Variants in MAPK10 observed in about 807,000 individuals in gnomAD.
The protein encoded by MAPK10 is mitogen-activated protein kinase 10.
Under a neutral mutation model 59.3 loss-of-function variants are expected in MAPK10, and 25 were observed. The observed-to-expected ratio is 0.42, with a 90% CI of 0.31 to 0.59. MAPK10 has a LOEUF of 0.59. Ranked by LOEUF, MAPK10 falls within the 20% of genes least tolerant of loss-of-function variation. The probability of loss-of-function intolerance (pLI) is 0.15; values close to 1 mark genes in which losing one functional copy is unlikely to be tolerated. For synonymous variants in MAPK10, 190 were observed against 200.5 expected, an observed-to-expected ratio of 0.95 and a Z score of 0.44; for missense variants, 351 against 568.9, an observed-to-expected ratio of 0.62 and a Z score of 3.90.
At chr4:86,448,934 C>T (rs140667170) in intron 1 of MAPK10, among the ~76,000 whole-genome samples, 37 of 152,258 alleles carry the variant, frequency 2.4e-4, no homozygotes, top group Admixed American at 7.2e-4. Context: ...TTATAGGTAG[C>T]GTGCAACCAA....
chr4:86,190,860 T>C (rs1262256748), intron 3 of MAPK10, among the ~76,000 whole-genome samples: 1 of 152,064 alleles, frequency 6.6e-6, no homozygotes, highest in East Asian at 1.9e-4. Flanking sequence ...TAGATCTTTT[T>C]CACTTTCTCC....
intron 1 of MAPK10, among the ~76,000 whole-genome samples, chr4:86,386,624 G>A (rs914109713): frequency 6.6e-6 from 1 of 152,026 alleles, no homozygotes; most frequent in Non-Finnish European, 1.5e-5. Flanking sequence ...GCACAGCAGG[G>A]GGAAAGGTCC....
intron 2 of MAPK10, among the ~76,000 whole-genome samples, chr4:86,232,671 C>A (rs1384934145): frequency 6.6e-6 from 1 of 152,130 alleles, no homozygotes; most frequent in African/African-American, 2.4e-5. Flanking sequence ...CCACGCCCGG[C>A]CTAGAGTCAA....
intron 4 of MAPK10, among the ~76,000 whole-genome samples, chr4:86,157,030 T>C (rs747824528): frequency 9.2e-5 from 14 of 152,060 alleles, no homozygotes; most frequent in Non-Finnish European, 2.1e-4. Context: ...TTTTGTTTAA[T>C]CATGCTCAAC....
chr4:86,117,886 G>T (rs888474922), intron 4 of MAPK10: 1 of 152,164 alleles, frequency 6.6e-6, no homozygotes, highest in African/African-American at 2.4e-5. Context: ...TAAGTGCATA[G>T]TTCCAGCTCT....
intron 1 of MAPK10, among the ~76,000 whole-genome samples, chr4:86,492,519 C>A (rs945105916): frequency 2.0e-5 from 3 of 152,228 alleles, no homozygotes; most frequent in Non-Finnish European, 4.4e-5. Flanking sequence ...CTTGCACCAT[C>A]ATACATGTGA....
intron 4 of MAPK10, among the ~76,000 whole-genome samples, chr4:86,157,303 A>C (rs1360162661): frequency 6.6e-6 from 1 of 152,010 alleles, no homozygotes; most frequent in African/African-American, 2.4e-5. Context: ...TATGCTTGAA[A>C]AGCAGAATTT....
intron 1 of MAPK10, among the ~76,000 whole-genome samples, chr4:86,512,803 T>C (rs1206283531): frequency 1.3e-5 from 2 of 152,182 alleles, no homozygotes; most frequent in Admixed American, 6.5e-5. Flanking sequence ...GACTGATGGA[T>C]GTGTCACACA....
chr4:86,390,474 T>C, intron 1 of MAPK10, among the ~76,000 whole-genome samples: 1 of 152,198 alleles, frequency 6.6e-6, no homozygotes, highest in East Asian at 1.9e-4. Flanking sequence ...GGCAGGATGC[T>C]ACCTCTACTT....
chr4:86,010,843 A>T lies in MAPK10; in HGVS notation c.*6385T>A, dbSNP rs1741376957. 6.6e-6 allele frequency: 1 copy of T among 152,210 alleles called. No individual in the cohort carries two copies. The highest frequency in any genetic ancestry group is 2.4e-5 in the African/African-American group (1 of 41,460). 9.4% of individuals were successfully genotyped at this position (152,210 alleles called of 1,614,324 possible). On this transcript the variant is annotated 3_prime_UTR_variant, in exon 14 of 14. Transcript: ENST00000641462. ...TATGTGAGGGGTTTTTAAGATGGAT[A>T]ACATTTTGTACCTGCTTTTGAGTTG...
intron 3 of MAPK10, among the ~76,000 whole-genome samples, chr4:86,162,812 C>T (rs1254569559): frequency 6.6e-6 from 1 of 152,080 alleles, no homozygotes; most frequent in South Asian, 2.1e-4. Context: ...TTTTCCCCAA[C>T]TAAAAATATC....
At chr4:86,259,507 G>A (rs2148735900) in intron 2 of MAPK10, among the ~76,000 whole-genome samples, 1 of 152,186 alleles carries the variant, frequency 6.6e-6, no homozygotes, top group African/African-American at 2.4e-5. Flanking sequence ...GGTAAAAATG[G>A]TACTGTGAAT....
chr4:86,212,377 C>T (rs114640434), intron 2 of MAPK10, among the ~76,000 whole-genome samples: 2,339 of 152,016 alleles, frequency 0.015, 40 homozygotes, highest in Non-Finnish European at 0.022. Flanking sequence ...ATAAAATTAG[C>T]TGGGTATGGT....
intron 8 of MAPK10, 58 bp downstream of exon 8, chr4:86,100,994 T>G: frequency 1.3e-6 from 2 of 1,483,530 alleles, no homozygotes; most frequent in South Asian, 2.4e-5. Flanking sequence ...CTTGGCTATC[T>G]ACAACGTGCA....
chr4:86,349,943 A>C (rs1237482564), intron 2 of MAPK10, among the ~76,000 whole-genome samples: 1 of 152,200 alleles, frequency 6.6e-6, no homozygotes, highest in African/African-American at 2.4e-5. Context: ...TCACAGAGGT[A>C]GGAAACACCT....
In MAPK10 at chr4:86,121,635, A is replaced by G. The variant is rs373289769; in HGVS notation, c.237-14283T>C. ...ATTGTATATATTTGTGGTATAAACCATCATATTTTGATATATGTATACATT... is the reference window on the plus strand; with the variant it reads ...ATTGTATATATTTGTGGTATAAACCGTCATATTTTGATATATGTATACATT... On this transcript the variant is annotated intron_variant, in intron 4 of 13. Coordinates refer to ENST00000641462, the MANE Select transcript of MAPK10 (RefSeq NM_138982.4). 1.1e-4 allele frequency among the ~76,000 whole-genome samples: 16 copies of G among 152,292 alleles called. No homozygotes were observed. The East Asian group carries it at 1.3e-3, about 13-fold the overall frequency.
intron 1 of MAPK10, among the ~76,000 whole-genome samples, chr4:86,418,620 C>A (rs1391318478): frequency 6.6e-6 from 1 of 152,164 alleles, no homozygotes; most frequent in Non-Finnish European, 1.5e-5. Context: ...CTTACTTAAT[C>A]ACAAAACTGT....
chr4:86,024,803 T>C (rs1445920102), intron 13 of MAPK10: 1 of 152,216 alleles, frequency 6.6e-6, no homozygotes. Flanking sequence ...CTCTAATTCC[T>C]ATCCTCTGTG....
chr4:86,206,808 AT>A (rs1045602500), intron 2 of MAPK10, among the ~76,000 whole-genome samples: 2 of 151,954 alleles, frequency 1.3e-5, no homozygotes, highest in East Asian at 1.9e-4. Flanking sequence ...GATGATGAGC[AT>A]TTTTTCATGT....
Sources: gnomAD v4.1 joint callset for allele counts (sites outside exome capture counted in the v4.1 genomes callset) on GRCh38, gnomAD v4.1.1 for gene constraint, MANE v1.5 for transcripts, NCBI Gene and HGNC (gene_info 2026-07-23, HGNC 2026-07-21) for gene names.